The following PPRC1 variants were observed in gnomAD, a reference collection of about 807,000 sequenced individuals.
PPRC1 encodes peroxisome proliferator-activated receptor gamma coactivator-related protein 1.
Under a neutral mutation model 132.5 loss-of-function variants are expected in PPRC1, and 23 were observed. The observed-to-expected ratio is 0.17, with a 90% CI of 0.12 to 0.25. The LOEUF is 0.25. PPRC1 is among the 10% of genes least tolerant of loss of function. The probability of loss-of-function intolerance (pLI) is 1.00; values close to 1 mark genes in which losing one functional copy is unlikely to be tolerated. For synonymous variants in PPRC1, 872 were observed against 833.5 expected (o/e 1.05, Z -0.80); for missense variants, 2,006 against 2,089.1 (o/e 0.96, Z 0.78).
upstream of PPRC1, among the ~76,000 whole-genome samples, chr10:102,129,856 G>A (rs1009977233): frequency 1.3e-5 from 2 of 151,974 alleles, no homozygotes; most frequent in African/African-American, 4.8e-5. Context: ...CGCCTGCCTC[G>A]GCCTCCCAAA....
rs769094726 is a variant in PPRC1 at position 102,139,729 on chromosome 10, C to T, written c.1221C>T (p.Leu407=). Residue 407 remains leucine, a synonymous_variant, in exon 5 of 14, where the codon CTC becomes CTT. Coordinates refer to ENST00000278070, the MANE Select transcript of PPRC1 (RefSeq NM_015062.5). ...AGGCTGCTGTGCCCAAGGTAACCCT[C>T]TGCTCTGAGAAAGAGGGGTTGTCAT... The part of the protein sequence containing the change: ...ETEAAVPKVT[L]CSEKEGLSLN... The T allele has an allele frequency of 2.5e-6, 4 of 1,614,154 alleles. No individual in the cohort carries two copies. The highest frequency in any genetic ancestry group is 2.5e-6 in the Non-Finnish European group (3 of 1,180,040).
intron 7 of PPRC1, 92 bp downstream of exon 7, chr10:102,144,399 G>C: frequency 1.6e-6 from 2 of 1,249,754 alleles, no homozygotes; most frequent in South Asian, 2.5e-5. Flanking sequence ...CTCTGTTGCA[G>C]GGACGCTGTA....
In PPRC1 at chr10:102,147,994, A is replaced by G. The variant is rs548991662; in HGVS notation, c.4401-378A>G. ...CAGTGAGACCTGGTAGGGGAGCAAT[A>G]GTAACCCAAAAGACCCAGGCTTGGC... On this transcript the variant is annotated intron_variant, in intron 9 of 13. Transcript: ENST00000278070. Among the ~76,000 whole-genome samples, 4 of 152,296 alleles carry G rather than the reference A, an allele frequency of 2.6e-5. No homozygotes were observed. The East Asian group carries it at 7.7e-4, about 29-fold the overall frequency.
chr10:102,132,031 A>G (rs373496492), upstream of PPRC1, among the ~76,000 whole-genome samples: 8 of 152,344 alleles, frequency 5.3e-5, no homozygotes, highest in East Asian at 1.3e-3. Flanking sequence ...CTCAGTAAAT[A>G]TTTAGCTAGT....
chr10:102,141,991 C>T lies in PPRC1; in HGVS notation c.3483C>T (p.Phe1161=). ...TQGSEDVVQA[F]ISEIGIEASD... ...GTTCTGAAGATGTGGTACAGGCTTT[C>T]ATCAGTGAGATTGGTGAGTGACACA... The change falls in exon 5 of 14, where the codon TTC becomes TTT. Residue 1161 remains phenylalanine, a synonymous_variant. Transcript: ENST00000278070. 6.2e-7 allele frequency: 1 copy of T among 1,608,644 alleles called. No homozygotes were observed. Among genetic ancestry groups the T allele is most frequent in the Non-Finnish European group, 8.5e-7 (1 of 1,176,496 alleles).
At chr10:102,138,075 A>T (rs201251083) in intron 2 of PPRC1, 37 bp downstream of exon 2, 11 of 1,594,532 alleles carry the variant, frequency 6.9e-6, no homozygotes, top group African/African-American at 2.7e-5. Context: ...TTCAAGCAGG[A>T]GGTTTACATG....
chr10:102,122,507 G>A, the PPRC1 span, among the ~76,000 whole-genome samples: 91 of 150,490 alleles, frequency 6.0e-4, no homozygotes, highest in African/African-American at 2.2e-3. Flanking sequence ...CAAGAGAGGA[G>A]GGGGCTGGAT....
the PPRC1 span, chr10:102,120,359 CG>C: frequency 1.0e-6 from 1 of 984,384 alleles, no homozygotes; most frequent in South Asian, 4.7e-5. Context: ...TGTGAGTCCG[CG>C]GAGTGTGTGT....
the PPRC1 span, among the ~76,000 whole-genome samples, chr10:102,120,772 A>G: frequency 2.6e-5 from 4 of 152,082 alleles, no homozygotes; most frequent in African/African-American, 9.7e-5. Flanking sequence ...GTGCCGCCGG[A>G]TGGGGAGTCT....
At chr10:102,135,160 A>C (rs2068675310) in intron 1 of PPRC1, among the ~76,000 whole-genome samples, 1 of 152,214 alleles carries the variant, frequency 6.6e-6, no homozygotes, top group African/African-American at 2.4e-5. Context: ...GGCAGTAGTG[A>C]TCTACTTTGC....
rs1274325557 is a variant in PPRC1, at chr10:102,140,269, T to G, written c.1761T>G (p.Val587=). Reference sequence around the variant, plus strand: ...CTGCCCAAGCCAGCCCCATGCCAGTTGACTCTGTTGAAGCTGATCCCACTG... The same window carrying G: ...CTGCCCAAGCCAGCCCCATGCCAGTGGACTCTGTTGAAGCTGATCCCACTG... The part of the protein sequence containing the change: ...VDSAQASPMP[V]DSVEADPTAV... Residue 587 remains valine (V), a synonymous_variant, in exon 5 of 14, where the codon GTT becomes GTG. Coordinates refer to ENST00000278070, the MANE Select transcript of PPRC1 (RefSeq NM_015062.5). 1.9e-6 allele frequency: 3 copies of G among 1,614,216 alleles called. No individual in the cohort carries two copies. Among genetic ancestry groups the G allele is most frequent in the South Asian group, 1.1e-5 (1 of 91,088 alleles).
Position 102,148,258 on chromosome 10 carries a change from CTT to C in PPRC1, c.4401-112_4401-111del. On this transcript the variant is annotated intron_variant, in intron 9 of 13. Coordinates refer to ENST00000278070, the MANE Select transcript of PPRC1 (RefSeq NM_015062.5). This position sits in a 1 kb window ranked among gnomAD's most constrained non-coding sequence, Gnocchi z 4.2. ...GTTCTTCTAGACCTCTTCTACTCTG[CTT>C]TGTCTTTGGTCCTGAGCTTCCTAAA... 7.9e-7 allele frequency: 1 copy of C among 1,263,576 alleles called. No individual in the cohort carries two copies. The highest frequency in any genetic ancestry group is 1.1e-6 in the Non-Finnish European group (1 of 905,882). The allele number at this position is 1,263,576 out of a possible 1,614,324, so 78.3% of individuals were successfully genotyped here. A position where few individuals can be genotyped will look rare whatever the true frequency, so the allele number is the denominator to read the frequency against.
chr10:102,135,123 G>C (rs752574919), intron 1 of PPRC1, among the ~76,000 whole-genome samples: 1 of 152,214 alleles, frequency 6.6e-6, no homozygotes. Context: ...TGAGACAAAA[G>C]TGCAGGATAT....
At chr10:102,126,140 G>A in the PPRC1 span, among the ~76,000 whole-genome samples, 1 of 152,128 alleles carries the variant, frequency 6.6e-6, no homozygotes, top group African/African-American at 2.4e-5. Flanking sequence ...GGGATTACAG[G>A]CATGAGCCAC....
rs2068901089 is a variant in PPRC1 at position 102,140,275 on chromosome 10, T to C, written c.1767T>C (p.Ser589=). The C allele has an allele frequency of 2.5e-6, 4 of 1,614,214 alleles. No individual in the cohort carries two copies. Among genetic ancestry groups the C allele is most frequent in the Non-Finnish European group, 3.4e-6 (4 of 1,180,036 alleles). ...AAGCCAGCCCCATGCCAGTTGACTC[T>C]GTTGAAGCTGATCCCACTGCAGTTG... ...SAQASPMPVD[S]VEADPTAVGP... The change falls in exon 5 of 14, where the codon TCT becomes TCC. Residue 589 remains serine (S), a synonymous_variant. Transcript: ENST00000278070.
the PPRC1 span, among the ~76,000 whole-genome samples, chr10:102,121,937 G>A: frequency 6.6e-6 from 1 of 152,094 alleles, no homozygotes; most frequent in Non-Finnish European, 1.5e-5. Flanking sequence ...TCCACCTTAG[G>A]TTTTTGCTGA....
intron 5 of PPRC1, 74 bp from the exon 6 acceptor site, chr10:102,142,971 T>G: frequency 1.5e-6 from 2 of 1,332,028 alleles, no homozygotes; most frequent in Non-Finnish European, 1.1e-6. Flanking sequence ...GTGAGATGAT[T>G]TGGGGGCTTC....
chr10:102,134,317 C>T (rs1306341250), intron 1 of PPRC1, among the ~76,000 whole-genome samples: 2 of 151,950 alleles, frequency 1.3e-5, no homozygotes, highest in African/African-American at 2.4e-5. Flanking sequence ...AAGTTGGAGG[C>T]GGTTTGAGAA....
intron 1 of PPRC1, 89 bp downstream of exon 1, chr10:102,133,310 G>C (rs902296468): frequency 8.8e-7 from 1 of 1,135,610 alleles, no homozygotes; most frequent in East Asian, 3.2e-5. Context: ...GAGAGGAAGC[G>C]CCTGAGAGTC....
Sources: gnomAD v4.1 joint callset for allele counts (sites outside exome capture counted in the v4.1 genomes callset) on GRCh38, gnomAD v4.1.1 for gene constraint, Gnocchi (gnomAD v3.1) non-coding constraint, MANE v1.5 for transcripts, NCBI Gene and HGNC (gene_info 2026-07-23, HGNC 2026-07-21) for gene names.